Variants in SLC9B1 observed in about 807,000 individuals in gnomAD.
The protein encoded by SLC9B1 is solute carrier family 9 member B1.
A neutral mutation model predicts 51.7 loss-of-function variants in SLC9B1; 32 were observed. That is an observed-to-expected ratio of 0.62 (90% CI 0.47 to 0.83). SLC9B1 has a LOEUF of 0.83. Among genes scored for constraint, SLC9B1 ranks in the 40% least tolerant of loss-of-function variants. The pLI, the probability that SLC9B1 is intolerant of heterozygous loss-of-function variation, is 0.00. For missense variants in SLC9B1, 406 were observed against 613.2 expected (o/e 0.66, Z 3.57); for synonymous variants, 145 against 212.7 (o/e 0.68, Z 2.77).
intron 3 of SLC9B1, among the ~76,000 whole-genome samples, chr4:102,960,372 T>C (rs1738039230): frequency 6.6e-6 from 1 of 152,112 alleles, no homozygotes. Context: ...GCAAAGGCTA[T>C]GGAGTAATTA....
chr4:102,894,975 T>G (rs112260603), intron 11 of SLC9B1, among the ~76,000 whole-genome samples: 3 of 152,148 alleles, frequency 2.0e-5, no homozygotes, highest in African/African-American at 7.2e-5. Context: ...AATCTAAAAT[T>G]ATATATAAAT....
intron 1 of SLC9B1, among the ~76,000 whole-genome samples, chr4:103,002,346 C>A (rs1578413467): frequency 1.3e-5 from 2 of 152,332 alleles, no homozygotes; most frequent in East Asian, 3.9e-4. Context: ...GACTCCAGAG[C>A]CCATACTCTT....
At chr4:103,007,778 G>A (rs962302051) in intron 1 of SLC9B1, among the ~76,000 whole-genome samples, 8 of 151,688 alleles carry the variant, frequency 5.3e-5, no homozygotes, top group African/African-American at 1.9e-4. Context: ...TTTTTGTAGG[G>A]ACGGGGTCTC....
chr4:102,959,696 A>G (rs2110486703), intron 3 of SLC9B1, among the ~76,000 whole-genome samples: 1 of 152,298 alleles, frequency 6.6e-6, no homozygotes, highest in East Asian at 1.9e-4. Context: ...AGCCAGAAGG[A>G]CACTCCCCTG....
chr4:103,000,678 G>A (rs1307711824), intron 1 of SLC9B1, among the ~76,000 whole-genome samples: 2 of 152,216 alleles, frequency 1.3e-5, no homozygotes, highest in East Asian at 3.9e-4. Context: ...CACATCCAGG[G>A]CATGCTGATG....
At chr4:102,931,562 T>C (rs1736459599) in intron 7 of SLC9B1, among the ~76,000 whole-genome samples, 1 of 152,332 alleles carries the variant, frequency 6.6e-6, no homozygotes. Flanking sequence ...AATTTCAACA[T>C]TGCAGATAAT....
At chr4:102,935,325 T>C (rs781091754) in intron 6 of SLC9B1, among the ~76,000 whole-genome samples, 1 of 152,274 alleles carries the variant, frequency 6.6e-6, no homozygotes, top group African/African-American at 2.4e-5. Flanking sequence ...GAAAACATTA[T>C]AAAATTTAAT....
intron 1 of SLC9B1, among the ~76,000 whole-genome samples, chr4:103,015,310 A>T (rs1013044547): frequency 1.3e-5 from 2 of 151,922 alleles, no homozygotes; most frequent in African/African-American, 4.8e-5. Flanking sequence ...ATCAGGCCAC[A>T]ATTTTTTTTA....
chr4:102,900,078 A>G (rs1417313329), downstream of SLC9B1, among the ~76,000 whole-genome samples: 2 of 152,198 alleles, frequency 1.3e-5, no homozygotes, highest in African/African-American at 4.8e-5. Flanking sequence ...TAAATGTCAT[A>G]TTCTGTGGTA....
chr4:102,914,224 G>GGTGT (rs199952753), intron 7 of SLC9B1, among the ~76,000 whole-genome samples: 35,254 of 102,978 alleles, frequency 0.34, 7,922 homozygotes, highest in African/African-American at 0.45. Context: ...CAGTCTGGGT[G>GGTGT]CACTGGATGA....
intron 7 of SLC9B1, among the ~76,000 whole-genome samples, chr4:102,920,419 G>A (rs1735806185): frequency 6.6e-6 from 1 of 152,166 alleles, no homozygotes; most frequent in Non-Finnish European, 1.5e-5. Context: ...CAATGTCAAA[G>A]AACAAAGGTA....
intron 1 of SLC9B1, among the ~76,000 whole-genome samples, chr4:103,009,757 C>A (rs1170635697): frequency 6.6e-6 from 1 of 152,172 alleles, no homozygotes; most frequent in East Asian, 1.9e-4. Context: ...ATCTTTGGAA[C>A]TATTGCTGCC....
intron 3 of SLC9B1, among the ~76,000 whole-genome samples, chr4:102,982,773 GT>G (rs932059508): frequency 2.0e-5 from 3 of 151,780 alleles, no homozygotes; most frequent in South Asian, 4.2e-4. Context: ...TGTTCCAGGA[GT>G]TTTTTTTACA....
At chr4:102,937,176 C>A (rs1736761474) in intron 6 of SLC9B1, among the ~76,000 whole-genome samples, 1 of 151,914 alleles carries the variant, frequency 6.6e-6, no homozygotes, top group South Asian at 2.1e-4. Flanking sequence ...TATCTTGGCT[C>A]ACTGCAACCT....
intron 1 of SLC9B1, among the ~76,000 whole-genome samples, chr4:103,000,691 A>G (rs982467179): frequency 1.3e-5 from 2 of 152,200 alleles, no homozygotes; most frequent in African/African-American, 4.8e-5. Context: ...TGCTGATGTA[A>G]AGGGTAGACT....
intron 9 of SLC9B1, 88 bp from the exon 10 acceptor site, chr4:102,906,732 AT>A: frequency 1.3e-6 from 1 of 783,768 alleles, no homozygotes; most frequent in Non-Finnish European, 2.0e-6. Context: ...TTTTTTTTTC[AT>A]TTTTTAAGTA....
intron 1 of SLC9B1, among the ~76,000 whole-genome samples, chr4:103,009,189 C>T (rs1740966652): frequency 6.6e-6 from 1 of 152,182 alleles, no homozygotes; most frequent in South Asian, 2.1e-4. Context: ...TTCTTGGGAA[C>T]TTCATTTCTT....
chr4:102,916,321 A>G (rs183208113), intron 7 of SLC9B1, among the ~76,000 whole-genome samples: 4 of 152,324 alleles, frequency 2.6e-5, no homozygotes, highest in South Asian at 2.1e-4. Flanking sequence ...TTTAAGTCAA[A>G]TAATAGCACA....
intron 7 of SLC9B1, among the ~76,000 whole-genome samples, chr4:102,917,659 A>C (rs984196495): frequency 2.6e-5 from 4 of 152,148 alleles, no homozygotes; most frequent in African/African-American, 9.7e-5. Context: ...TTATATATCT[A>C]ACTACCTACC....
Sources: gnomAD v4.1 joint callset for allele counts (sites outside exome capture counted in the v4.1 genomes callset) on GRCh38, gnomAD v4.1.1 for gene constraint, MANE v1.5 for transcripts, NCBI Gene and HGNC (gene_info 2026-07-23, HGNC 2026-07-21) for gene names.